The following TRPM7 variants were observed in gnomAD, a reference collection of about 807,000 sequenced individuals.
TRPM7 encodes transient receptor potential cation channel subfamily M member 7, also known as LTRPC ion channel family member 7.
Under a neutral mutation model 229.7 loss-of-function variants are expected in TRPM7, and 134 were observed. The observed-to-expected ratio is 0.58, with a 90% confidence interval of 0.51 to 0.67. The LOEUF (loss-of-function observed/expected upper bound fraction) is 0.67. TRPM7 is among the 30% of genes least tolerant of loss of function. The pLI is 0.00. For missense variants in TRPM7, 1,901 were observed against 2,210.0 expected, an observed-to-expected ratio of 0.86 and a Z score of 2.80; for synonymous variants, 699 against 715.2, an observed-to-expected ratio of 0.98 and a Z score of 0.36.
chr15:50,595,046 C>CA (rs1215560156), intron 23 of TRPM7, among the ~76,000 whole-genome samples: 1 of 151,710 alleles, frequency 6.6e-6, no homozygotes, highest in Non-Finnish European at 1.5e-5. Context: ...TATTTAAAAA[C>CA]AAAAAAGTTA....
intron 1 of TRPM7, among the ~76,000 whole-genome samples, chr15:50,684,898 G>C (rs117929930): frequency 3.9e-5 from 6 of 152,214 alleles, no homozygotes; most frequent in Non-Finnish European, 7.4e-5. Context: ...TAAAACATGA[G>C]ACAATCAGGG....
In TRPM7 at chr15:50,574,851, C is replaced by A; in HGVS notation, c.5019+1G>T. 6.2e-7 allele frequency: 1 copy of A among 1,608,536 alleles called. No individual in the cohort carries two copies. The highest frequency in any genetic ancestry group is 8.5e-7 in the Non-Finnish European group (1 of 1,176,874). The stretch of plus-strand genomic sequence containing the variant: ...ACTATTAAATATTCACTGACACTTA[C>A]TCTCAGACAGAGATGCAGAACTGTA... On this transcript the variant is annotated splice_donor_variant, in intron 34 of 38. Transcript: ENST00000646667. LOFTEE classifies it high-confidence loss of function.
intron 27 of TRPM7, among the ~76,000 whole-genome samples, chr15:50,586,759 C>G (rs2059352894): frequency 6.6e-6 from 1 of 152,162 alleles, no homozygotes; most frequent in Non-Finnish European, 1.5e-5. Flanking sequence ...TGACTCACAC[C>G]TGTAATCCCA....
chr15:50,640,528 C>G (rs2061070680), intron 5 of TRPM7, among the ~76,000 whole-genome samples: 1 of 151,220 alleles, frequency 6.6e-6, no homozygotes, highest in Admixed American at 6.6e-5. Context: ...TCAAGTGATC[C>G]TCCCACCTCA....
intron 12 of TRPM7, among the ~76,000 whole-genome samples, chr15:50,620,046 G>T (rs913744924): frequency 6.6e-5 from 10 of 152,108 alleles, no homozygotes; most frequent in African/African-American, 2.4e-4. Flanking sequence ...CTTTACAATT[G>T]TATCTTAAAT....
chr15:50,568,171 C>A (rs1454599985), intron 38 of TRPM7, among the ~76,000 whole-genome samples: 2 of 145,570 alleles, frequency 1.4e-5, no homozygotes, highest in African/African-American at 5.1e-5. Flanking sequence ...TCATAAAGTG[C>A]ATCTACAAAA....
At chr15:50,566,339 A>AT (rs761946836) in intron 38 of TRPM7, among the ~76,000 whole-genome samples, 60 of 152,292 alleles carry the variant, frequency 3.9e-4, no homozygotes, top group Non-Finnish European at 6.0e-4. Flanking sequence ...ATATACTCAA[A>AT]TTTGAGGGAT....
At chr15:50,621,645 G>A (rs1447598005) in intron 12 of TRPM7, among the ~76,000 whole-genome samples, 1 of 152,116 alleles carries the variant, frequency 6.6e-6, no homozygotes, top group East Asian at 1.9e-4. Flanking sequence ...AAGCAAATAC[G>A]AGAATCCAGC....
Position 50,560,158 on chromosome 15 carries a change from T to TATTA in TRPM7, c.*1516_*1519dup, listed in dbSNP as rs1369624628. 1 of 152,106 alleles carries TATTA rather than the reference T, an allele frequency of 6.6e-6. No homozygotes were observed. Among genetic ancestry groups the TATTA allele is most frequent in the Non-Finnish European group, 1.5e-5 (1 of 68,008 alleles). 9.4% of individuals were successfully genotyped at this position (152,106 alleles called of 1,614,324 possible). A position where few individuals can be genotyped will look rare whatever the true frequency, so the allele number is the denominator to read the frequency against. On this transcript the variant is annotated 3_prime_UTR_variant, in exon 39 of 39. Coordinates refer to ENST00000646667, the MANE Select transcript of TRPM7 (RefSeq NM_017672.6). ...TTCTAAGAAGACAGTAAGAAATCAG[T>TATTA]ATTAATTTAAACATTGTACAGGACA...
rs779877649 is a variant in TRPM7, at chr15:50,662,958, T to TGG, written c.83+8_83+9insCC. 3.5e-5 allele frequency: 56 copies of TGG among 1,602,118 alleles called. No individual in the cohort carries two copies. The highest frequency in any genetic ancestry group is 4.7e-5 in the Non-Finnish European group (55 of 1,172,132). On this transcript the variant is annotated intron_variant, in intron 2 of 38. Coordinates refer to ENST00000646667, the MANE Select transcript of TRPM7 (RefSeq NM_017672.6). Reference sequence around the variant, plus strand: ...TAGAAGACCCCAGAAGTAACAAAGGTGTGCTTACCTGTGAGGGTCCTTGGA... The same window carrying TGG: ...TAGAAGACCCCAGAAGTAACAAAGGTGGGTGCTTACCTGTGAGGGTCCTTGGA...
Position 50,604,945 on chromosome 15 carries a change from ATTATG to A in TRPM7, c.2904_2908del (p.Ile970LeufsTer42), listed in dbSNP as rs747778333. On this transcript the variant is annotated frameshift_variant, in exon 21 of 39. Coordinates refer to ENST00000646667, the MANE Select transcript of TRPM7 (RefSeq NM_017672.6). LOFTEE classifies it high-confidence loss of function. ...ATCTAGCAAACGCACATACCAAAATATTATGTTAAGACAGTAAATTAATCTTCCAG... is the reference window on the plus strand; with the variant it reads ...ATCTAGCAAACGCACATACCAAAATATTAAGACAGTAAATTAATCTTCCAG... The A allele has an allele frequency of 1.2e-6, 2 of 1,613,822 alleles. No homozygotes were observed. Among genetic ancestry groups the A allele is most frequent in the Non-Finnish European group, 1.7e-6 (2 of 1,179,844 alleles).
At chr15:50,657,744 T>A (rs769036191) in intron 3 of TRPM7, 37 bp downstream of exon 3, 3 of 1,588,120 alleles carry the variant, frequency 1.9e-6, no homozygotes, top group Admixed American at 3.5e-5. Context: ...TTTATTTATT[T>A]TCCGAAATTT....
chr15:50,588,271 A>G, intron 27 of TRPM7: 1 of 982,322 alleles, frequency 1.0e-6, no homozygotes, highest in Non-Finnish European at 1.2e-6. Flanking sequence ...TAAGAAAATT[A>G]TGCAACTATT....
chr15:50,635,807 T>C (rs554626290), intron 7 of TRPM7, among the ~76,000 whole-genome samples: 247 of 150,626 alleles, frequency 1.6e-3, no homozygotes, highest in Non-Finnish European at 2.3e-3. Flanking sequence ...TGAAACCTCC[T>C]ATCTACCAAA....
rs1007822949 is a variant in TRPM7 at position 50,628,004 on chromosome 15, C to T, written c.1305+145G>A. 1.6e-5 allele frequency: 10 copies of T among 617,070 alleles called. 1 individual carries two copies. Among genetic ancestry groups the T allele is most frequent in the East Asian group, 1.4e-4 (5 of 35,268 alleles). 38.2% of individuals were successfully genotyped at this position (617,070 alleles called of 1,614,324 possible). ...GCATACATTAAATCCTAAACTGGAT[C>T]GGAATGGTGTAGAAATACTTAGCTA... On this transcript the variant is annotated intron_variant, in intron 11 of 38. Transcript: ENST00000646667.
At chr15:50,569,705 T>C (rs1430855308) in intron 38 of TRPM7, among the ~76,000 whole-genome samples, 182 bp downstream of exon 38, 2 of 152,196 alleles carry the variant, frequency 1.3e-5, no homozygotes, top group African/African-American at 4.8e-5. Context: ...GAACTTTGTA[T>C]AAAGAAAGAA....
rs764933325 is a variant in TRPM7, at chr15:50,609,620, G to A, written c.2541C>T (p.Ala847=). 3.7e-6 allele frequency: 6 copies of A among 1,611,394 alleles called. No homozygotes were observed. In the Admixed American group the frequency reaches 6.7e-5, roughly 18 times the overall value. The part of the protein sequence containing the change: ...KKLPITRKFY[A]FYHAPIVKFW... ...ATTTTACAATTGGTGCATGATAAAA[G>A]GCATAAAACTTTCGCGTAATTGGAA... Residue 847 remains alanine (A), a synonymous_variant, in exon 19 of 39, where the codon GCC becomes GCT. Transcript: ENST00000646667.
intron 3 of TRPM7, among the ~76,000 whole-genome samples, chr15:50,649,489 A>G (rs1467315404): frequency 6.6e-6 from 1 of 152,122 alleles, no homozygotes; most frequent in Non-Finnish European, 1.5e-5. Flanking sequence ...AATAATAAAG[A>G]GAAGTGAATG....
Position 50,586,415 on chromosome 15 carries a change from G to C in TRPM7, c.4463C>G (p.Ser1488Cys), listed in dbSNP as rs1183534778. Residue 1488 changes from serine (S) to cysteine (C), a missense_variant, in exon 28 of 39, where the codon TCC becomes TGC. By Grantham distance (112) the Ser-to-Cys change is moderately radical. Transcript: ENST00000646667. Reference sequence around the variant, plus strand: ...ACCTTGTTTTGAATGAACAGGAATGGAAGTTCTGTGACAGTCAGTAAATCC... The same window carrying C: ...ACCTTGTTTTGAATGAACAGGAATGCAAGTTCTGTGACAGTCAGTAAATCC... ...LAGFTDCHRT[S>C]IPVHSKQAEK... 3.7e-6 allele frequency: 6 copies of C among 1,612,066 alleles called. No individual in the cohort carries two copies. Among genetic ancestry groups the C allele is most frequent in the Non-Finnish European group, 5.1e-6 (6 of 1,178,276 alleles).
Sources: gnomAD v4.1 joint callset for allele counts (sites outside exome capture counted in the v4.1 genomes callset) on GRCh38, gnomAD v4.1.1 for gene constraint, MANE v1.5 for transcripts, NCBI Gene and HGNC (gene_info 2026-07-23, HGNC 2026-07-21) for gene names.